The following ADAMTS17 variants were observed in gnomAD, a reference collection of about 807,000 sequenced individuals.
The protein encoded by ADAMTS17 is A disintegrin and metalloproteinase with thrombospondin motifs 17.
ADAMTS17 carries 113 observed loss-of-function variants against 141.5 expected under a neutral mutation model. The observed-to-expected ratio is 0.80, with a 90% CI of 0.69 to 0.93. ADAMTS17 has a LOEUF of 0.93. Among genes scored for constraint, ADAMTS17 ranks in the 40% least tolerant of loss-of-function variants. The pLI is 0.00. For synonymous variants in ADAMTS17, 768 were observed against 630.6 expected, an observed-to-expected ratio of 1.22 and a Z score of -3.27; for missense variants, 1,659 against 1,517.9, an observed-to-expected ratio of 1.09 and a Z score of -1.54.
chr15:100,228,747 A>G (rs1296128952), intron 7 of ADAMTS17, among the ~76,000 whole-genome samples: 1 of 152,176 alleles, frequency 6.6e-6, no homozygotes, highest in African/African-American at 2.4e-5. Context: ...TGCCACAGCA[A>G]TGCTCTGCCT....
intron 7 of ADAMTS17, among the ~76,000 whole-genome samples, chr15:100,245,340 AG>A (rs1156835175): frequency 6.6e-6 from 1 of 152,230 alleles, no homozygotes; most frequent in Non-Finnish European, 1.5e-5. Flanking sequence ...AGAACAATGA[AG>A]GGGGCTCTGG....
chr15:100,073,593 A>T (rs1596350676), intron 15 of ADAMTS17, among the ~76,000 whole-genome samples: 2 of 152,134 alleles, frequency 1.3e-5, no homozygotes, highest in Middle Eastern at 6.8e-3. Context: ...ATAAAAAATG[A>T]TGAGTTCATG....
At chr15:100,134,573 G>C (rs1004440469) in intron 10 of ADAMTS17, among the ~76,000 whole-genome samples, 1 of 152,162 alleles carries the variant, frequency 6.6e-6, no homozygotes, top group Non-Finnish European at 1.5e-5. Context: ...GTTTGCAAAG[G>C]GTGTCGAGTT....
rs529852229 is a variant in ADAMTS17, at chr15:100,223,615, G to A, written c.1076-24192C>T. On this transcript the variant is annotated intron_variant, in intron 7 of 21. Coordinates refer to ENST00000268070, the MANE Select transcript of ADAMTS17 (RefSeq NM_139057.4). ...ACTCTTGTCCTGGTGGCCCACATAT[G>A]TGCGTGTATTAGGGTTTTCTTAGAG... Among the ~76,000 whole-genome samples the A allele has an allele frequency of 2.3e-4, 35 of 151,922 alleles. No individual in the cohort carries two copies. The South Asian group carries it at 6.8e-3, about 30-fold the overall frequency.
At chr15:100,111,653 C>T (rs771870427) in intron 13 of ADAMTS17, among the ~76,000 whole-genome samples, 2 of 152,210 alleles carry the variant, frequency 1.3e-5, no homozygotes, top group African/African-American at 2.4e-5. Context: ...TTTTAATTAC[C>T]TTTAGACTGA....
Position 99,976,317 on chromosome 15 carries a change from G to A in ADAMTS17, c.2950-95C>T, listed in dbSNP as rs1031094256. 4.0e-5 allele frequency: 59 copies of A among 1,466,446 alleles called. 1 individual carries two copies. Among genetic ancestry groups the A allele is most frequent in the Middle Eastern group, 4.6e-4 (2 of 4,330 alleles). 90.8% of individuals were successfully genotyped at this position (1,466,446 alleles called of 1,614,324 possible). ...TGGCACTGCGGAGACAGGACAGCCT[G>A]AGTGGGGGCCTACACGAGGTCAGGG... On this transcript the variant is annotated intron_variant, in intron 20 of 21. Transcript: ENST00000268070.
chr15:100,066,730 TTCTAAGTGGCCCA>T (rs1458887328), intron 15 of ADAMTS17, among the ~76,000 whole-genome samples: 1 of 143,090 alleles, frequency 7.0e-6, no homozygotes, highest in Non-Finnish European at 1.5e-5. Flanking sequence ...TGTCGTTCCT[TTCTAAGTGGCCCA>T]TCTGTCTCAG....
chr15:100,072,579 A>C (rs961450616), intron 15 of ADAMTS17, among the ~76,000 whole-genome samples: 2 of 152,150 alleles, frequency 1.3e-5, no homozygotes, highest in Non-Finnish European at 2.9e-5. Flanking sequence ...ATGGAATAGA[A>C]CAGAGCCCTC....
intron 7 of ADAMTS17, among the ~76,000 whole-genome samples, chr15:100,217,096 C>G (rs987523429): frequency 1.4e-5 from 2 of 139,900 alleles, no homozygotes; most frequent in Non-Finnish European, 3.0e-5. Flanking sequence ...TGTGTTTCAG[C>G]AACATCTTTC....
chr15:100,185,301 T>C lies in ADAMTS17; in HGVS notation c.1181+14017A>G, dbSNP rs575548305. Among the ~76,000 whole-genome samples, 103 of 149,606 alleles carry C rather than the reference T, an allele frequency of 6.9e-4. 1 individual carries two copies. In the South Asian group the frequency reaches 0.018, roughly 27 times the overall value. ...CAGACATAAAGCCCTGAGAACAAGC[T>C]CGTAGAAGAAACCTGTGAGATCTAC... On this transcript the variant is annotated intron_variant, in intron 8 of 21. Coordinates refer to ENST00000268070, the MANE Select transcript of ADAMTS17 (RefSeq NM_139057.4).
Position 99,972,641 on chromosome 15 carries a change from G to A in ADAMTS17, c.*1761C>T, listed in dbSNP as rs569149666. ...GGACAGCAGTCTGCGCAGGCCGCGG[G>A]GCGAGGGTGGGCCGCTCCATCCTGA... On this transcript the variant is annotated 3_prime_UTR_variant, in exon 22 of 22. Coordinates refer to ENST00000268070, the MANE Select transcript of ADAMTS17 (RefSeq NM_139057.4). 2.6e-5 allele frequency: 4 copies of A among 152,322 alleles called. No homozygotes were observed. Among genetic ancestry groups the A allele is most frequent in the African/African-American group, 9.6e-5 (4 of 41,566 alleles). The allele number at this position is 152,322 out of a possible 1,614,324, so 9.4% of individuals were successfully genotyped here.
chr15:100,053,815 G>C, intron 16 of ADAMTS17, 82 bp downstream of exon 16: 9 of 1,608,380 alleles, frequency 5.6e-6, no homozygotes, highest in Non-Finnish European at 7.7e-6. Context: ...CGAGGTCCCA[G>C]GCAGAAGTAA....
At position 100,090,000 on chromosome 15, in the gene ADAMTS17, AAAAAAAC is replaced by A. The variant is rs912253542; in HGVS notation, c.2137+6349_2137+6355del. ...AAGTATAATAATAAAATTAAAAAAAAAAAAAACAAAATAAAATTCAGAAATAAATTGG... is the reference window on the plus strand; with the variant it reads ...AAGTATAATAATAAAATTAAAAAAAAAAAATAAAATTCAGAAATAAATTGG... On this transcript the variant is annotated intron_variant, in intron 15 of 21. Coordinates refer to ENST00000268070, the MANE Select transcript of ADAMTS17 (RefSeq NM_139057.4). Among the ~76,000 whole-genome samples the A allele has an allele frequency of 2.2e-4, 33 of 152,084 alleles. No individual in the cohort carries two copies. In the South Asian group the frequency reaches 2.9e-3, roughly 13 times the overall value.
intron 2 of ADAMTS17, among the ~76,000 whole-genome samples, chr15:100,340,061 TC>T (rs2046317941): frequency 6.6e-6 from 1 of 152,162 alleles, no homozygotes; most frequent in East Asian, 1.9e-4. Flanking sequence ...AGAAACTGCC[TC>T]CCCAGAGGCC....
chr15:100,043,967 G>A (rs929186862), intron 18 of ADAMTS17, among the ~76,000 whole-genome samples: 1 of 151,614 alleles, frequency 6.6e-6, no homozygotes, highest in African/African-American at 2.4e-5. Context: ...AATAGAGTCT[G>A]CACTCATGTT....
intron 14 of ADAMTS17, among the ~76,000 whole-genome samples, chr15:100,097,878 T>A (rs762465534): frequency 2.0e-5 from 3 of 151,908 alleles, no homozygotes; most frequent in Non-Finnish European, 2.9e-5. Context: ...CGGAGCCTTT[T>A]ATTTTTTTGA....
intron 12 of ADAMTS17, among the ~76,000 whole-genome samples, chr15:100,131,092 T>C (rs2038015474): frequency 6.6e-6 from 1 of 151,978 alleles, no homozygotes; most frequent in Admixed American, 6.6e-5. Context: ...CTGAAAAACA[T>C]CATTCTCAGC....
At chr15:100,065,944 C>T (rs1437534699) in intron 15 of ADAMTS17, among the ~76,000 whole-genome samples, 1 of 152,168 alleles carries the variant, frequency 6.6e-6, no homozygotes, top group Non-Finnish European at 1.5e-5. Flanking sequence ...TCTCATTGTT[C>T]AACTCCCACT....
chr15:100,146,408 T>C (rs2038906063), intron 10 of ADAMTS17, among the ~76,000 whole-genome samples: 1 of 152,244 alleles, frequency 6.6e-6, no homozygotes, highest in Non-Finnish European at 1.5e-5. Flanking sequence ...GAAGATTTCA[T>C]GGACACTTAT....
Sources: allele counts gnomAD v4.1 joint callset (sites outside exome capture counted in the v4.1 genomes callset), GRCh38; gene constraint gnomAD v4.1.1; transcripts MANE v1.5; gene names NCBI Gene and HGNC (gene_info 2026-07-23, HGNC 2026-07-21).